Variants in KRT25 observed in about 807,000 individuals in gnomAD.
KRT25 encodes keratin, type I cytoskeletal 25.
KRT25 carries 37 observed loss-of-function variants against 47.6 expected under a neutral mutation model. The observed-to-expected ratio is 0.78, with a 90% CI of 0.60 to 1.02. KRT25 has a LOEUF of 1.02. Among genes scored for constraint, KRT25 ranks in the 50% least tolerant of loss-of-function variants. The pLI, the probability that KRT25 is intolerant of heterozygous loss-of-function variation, is 0.00. For missense variants in KRT25, 542 were observed against 550.3 expected (o/e 0.98, Z 0.15); for synonymous variants, 203 against 210.2 (o/e 0.97, Z 0.30).
At position 40,750,944 on chromosome 17, in the gene KRT25, C is replaced by A; in HGVS notation, c.957+10G>T. The A allele has an allele frequency of 6.2e-7, 1 of 1,613,168 alleles. No individual in the cohort carries two copies. Among genetic ancestry groups the A allele is most frequent in the Non-Finnish European group, 8.5e-7 (1 of 1,179,396 alleles). On this transcript the variant is annotated intron_variant, in intron 5 of 7. Coordinates refer to ENST00000312150, the MANE Select transcript of KRT25 (RefSeq NM_181534.4). ...TGGGAGATGGTGAAAAAAAATTGTT[C>A]TTTTCATACCGTGGCTAGGAGAGAC...
chr17:40,750,855 A>G, intron 5 of KRT25, 99 bp downstream of exon 5: 1 of 1,429,012 alleles, frequency 7.0e-7, no homozygotes, highest in Non-Finnish European at 9.6e-7. Flanking sequence ...ACAATTATAA[A>G]CAAATATATT....
At chr17:40,752,486 T>G (rs2038059181) in intron 3 of KRT25, among the ~76,000 whole-genome samples, 1 of 152,220 alleles carries the variant, frequency 6.6e-6, no homozygotes, top group Non-Finnish European at 1.5e-5. Context: ...CATTCCAGCC[T>G]TCTTTCCTCC....
chr17:40,755,450 G>A, upstream of KRT25: 1 of 594,740 alleles, frequency 1.7e-6, no homozygotes. Flanking sequence ...ATAATTGGGT[G>A]ATTTTTTCTA....
chr17:40,752,442 G>C (rs1254919578), intron 3 of KRT25, among the ~76,000 whole-genome samples: 1 of 152,112 alleles, frequency 6.6e-6, no homozygotes, highest in African/African-American at 2.4e-5. Context: ...TGGTAACTAA[G>C]GCTTTCATTC....
rs535525284 is a variant in KRT25, at chr17:40,748,392, C to A, written c.1244-6G>T. ...CACTATGGCTTTGGCTGGGTCTGAG[C>A]ATTAAAAATTAAAAGGAGATTTTAT... On this transcript the variant is annotated splice_polypyrimidine_tract_variant and splice_region_variant and intron_variant, in intron 7 of 7. Coordinates refer to ENST00000312150, the MANE Select transcript of KRT25 (RefSeq NM_181534.4). The A allele has an allele frequency of 6.4e-6, 10 of 1,563,090 alleles. No individual in the cohort carries two copies. The East Asian group carries it at 2.3e-4, about 36-fold the overall frequency.
At chr17:40,750,925 A>G in intron 5 of KRT25, 29 bp downstream of exon 5, 1 of 1,611,382 alleles carries the variant, frequency 6.2e-7, no homozygotes, top group Non-Finnish European at 8.5e-7. Context: ...GACCTGGGAG[A>G]TGGTGAAAAA....
At position 40,750,275 on chromosome 17, in the gene KRT25, T is replaced by C. The variant is rs1186780515; in HGVS notation, c.1175+105A>G. 4 of 1,096,464 alleles carry C rather than the reference T, an allele frequency of 3.6e-6. No homozygotes were observed. The African/African-American group carries it at 6.3e-5, about 17-fold the overall frequency. The allele number at this position is 1,096,464 out of a possible 1,614,324, so 67.9% of individuals were successfully genotyped here. A position where few individuals can be genotyped will look rare whatever the true frequency, so the allele number is the denominator to read the frequency against. ...ATTTAATATTTAGTATTCATGATAATAAATGCATGCAGCCAAATTATGTCC... is the reference window on the plus strand; with the variant it reads ...ATTTAATATTTAGTATTCATGATAACAAATGCATGCAGCCAAATTATGTCC... On this transcript the variant is annotated intron_variant, in intron 6 of 7. Transcript: ENST00000312150.
rs1332244433 is a variant in KRT25 at position 40,755,190 on chromosome 17, T to C, written c.82A>G (p.Thr28Ala). 1.1e-5 allele frequency: 17 copies of C among 1,614,080 alleles called. No individual in the cohort carries two copies. Among genetic ancestry groups the C allele is most frequent in the Non-Finnish European group, 1.4e-5 (17 of 1,180,048 alleles). Reference sequence around the variant, plus strand: ...CAAGAATTTCCAGTACCAAAGCTGGTTCCCCCACCATAGAGTCTGAGTGAT... The same window carrying C: ...CAAGAATTTCCAGTACCAAAGCTGGCTCCCCCACCATAGAGTCTGAGTGAT... ...TGSLRLYGGG[T>A]SFGTGNSCGI... The change falls in exon 1 of 8, where the codon ACC becomes GCC. Residue 28 changes from threonine to alanine, a missense_variant. By Grantham distance (58) the Thr-to-Ala change is moderately conservative (BLOSUM62 0). Coordinates refer to ENST00000312150, the MANE Select transcript of KRT25 (RefSeq NM_181534.4).
intron 3 of KRT25, 134 bp downstream of exon 3, chr17:40,753,717 AAAAAAAGAC>A: frequency 3.6e-6 from 1 of 274,902 alleles, no homozygotes; most frequent in Non-Finnish European, 6.7e-6. Flanking sequence ...AAAAAAAAAA[AAAAAAAGAC>A]AGCTCAGCCC....
chr17:40,751,169 T>C lies in KRT25; in HGVS notation c.827A>G (p.Glu276Gly). 1.9e-6 allele frequency: 3 copies of C among 1,614,150 alleles called. No homozygotes were observed. Among genetic ancestry groups the C allele is most frequent in the Non-Finnish European group, 2.5e-6 (3 of 1,180,000 alleles). ...NRRDAEAWFN[E>G]KSASLQQQIS... Reference sequence around the variant, plus strand: ...CGTTTTCTGGAGGAGAGTCACCTTCTCGTTGAACCAGGCCTCCGCGTCCCT... The same window carrying C: ...CGTTTTCTGGAGGAGAGTCACCTTCCCGTTGAACCAGGCCTCCGCGTCCCT... The change falls in exon 4 of 8, where the codon GAG becomes GGG. Residue 276 changes from glutamate (E) to glycine (G), a missense_variant. Transcript: ENST00000312150.
chr17:40,751,150 C>T lies in KRT25; in HGVS notation c.831+15G>A, dbSNP rs767403091. ...CAGTAACATGCAAAGGGACCGTTTT[C>T]TGGAGGAGAGTCACCTTCTCGTTGA... On this transcript the variant is annotated intron_variant, in intron 4 of 7. Transcript: ENST00000312150. The T allele has an allele frequency of 1.5e-5, 24 of 1,614,006 alleles. No homozygotes were observed. The Middle Eastern group carries it at 6.6e-4, about 44-fold the overall frequency.
intron 5 of KRT25, 40 bp from the exon 6 acceptor site, chr17:40,750,637 A>G: frequency 6.2e-7 from 1 of 1,607,294 alleles, no homozygotes; most frequent in Non-Finnish European, 8.5e-7. Flanking sequence ...ATGGATATGC[A>G]GATATGCAGG....
intron 3 of KRT25, among the ~76,000 whole-genome samples, chr17:40,753,185 G>C (rs565369083): frequency 2.6e-5 from 4 of 152,240 alleles, no homozygotes; most frequent in African/African-American, 9.6e-5. Flanking sequence ...TAGTTTTCTA[G>C]TTTAAGGATG....
rs759907615 is a variant in KRT25 at position 40,751,091 on chromosome 17, T to A, written c.832-12A>T. The stretch of plus-strand genomic sequence containing the variant: ...TGCAGGGAGGCGCTCTGAAATGACA[T>A]AAGTGAAGGAGCAAATCTTAGTTTT... On this transcript the variant is annotated splice_polypyrimidine_tract_variant and intron_variant, in intron 4 of 7. Transcript: ENST00000312150. The A allele has an allele frequency of 8.7e-6, 14 of 1,614,008 alleles. No individual in the cohort carries two copies. In the Admixed American group the frequency reaches 1.7e-4, roughly 19 times the overall value.
rs1417821043 is a variant in KRT25 at position 40,753,964 on chromosome 17, A to G, written c.565T>C (p.Leu189=). 2 of 1,613,992 alleles carry G rather than the reference A, an allele frequency of 1.2e-6. No individual in the cohort carries two copies. Among genetic ancestry groups the G allele is most frequent in the Middle Eastern group, 1.6e-4 (1 of 6,062 alleles). ...GTTATTTCATCCAAAACTCTTCGTAACCCATTGACATCAGCCTCTACACTC... is the reference window on the plus strand; with the variant it reads ...GTTATTTCATCCAAAACTCTTCGTAGCCCATTGACATCAGCCTCTACACTC... ...HQSVEADVNG[L]RRVLDEITLC... The change falls in exon 3 of 8, where the codon TTA becomes CTA. Residue 189 remains leucine, a synonymous_variant. Coordinates refer to ENST00000312150, the MANE Select transcript of KRT25 (RefSeq NM_181534.4).
chr17:40,755,438 G>A (rs2038098500), upstream of KRT25: 4 of 617,808 alleles, frequency 6.5e-6, no homozygotes, highest in Non-Finnish European at 1.1e-5. Context: ...CAGCAAGTTG[G>A]CATAATTGGG....
rs758921574 is a variant in KRT25 at position 40,753,961 on chromosome 17, G to A, written c.568C>T (p.Arg190Ter). The change falls in exon 3 of 8, where the codon CGA (arginine) becomes TGA (stop). Residue 190 changes from arginine to a stop codon, truncating the protein, a stop_gained. Transcript: ENST00000312150. LOFTEE classifies it high-confidence loss of function. Reference protein sequence around the residue: ...QSVEADVNGLRRVLDEITLCR... With the variant: ...QSVEADVNGL ...AGGGTTATTTCATCCAAAACTCTTC[G>A]TAACCCATTGACATCAGCCTCTACA... The A allele has an allele frequency of 6.2e-6, 10 of 1,613,694 alleles. No homozygotes were observed. The highest frequency in any genetic ancestry group is 3.3e-5 in the Admixed American group (2 of 59,992).
In KRT25 at chr17:40,749,284, G is replaced by T; in HGVS notation, c.1217C>A (p.Ser406Tyr). ...SGGYKSKDYG[S>Y]GNVGSQVKDP... ...TTTGACTTGACTTCCCACATTTCCA[G>T]ATCCATAATCTTTAGACTTGTAACC... is the stretch of plus-strand genomic sequence containing the variant. Residue 406 changes from serine to tyrosine, a missense_variant, in exon 7 of 8, where the codon TCT (serine) becomes TAT (tyrosine). Physicochemically the swap from Ser to Tyr is moderately radical, Grantham distance 144. Coordinates refer to ENST00000312150, the MANE Select transcript of KRT25 (RefSeq NM_181534.4). 6.2e-7 allele frequency: 1 copy of T among 1,613,506 alleles called. No individual in the cohort carries two copies. The highest frequency in any genetic ancestry group is 8.5e-7 in the Non-Finnish European group (1 of 1,179,490).
In KRT25 at chr17:40,750,089, A is replaced by G. The variant is rs1396675624; in HGVS notation, c.1175+291T>C. Reference sequence around the variant, plus strand: ...GTGCTGAGCTCCAGAAACCATTTCCAGAGTCAGAATCCTGGTCCACATATT... The same window carrying G: ...GTGCTGAGCTCCAGAAACCATTTCCGGAGTCAGAATCCTGGTCCACATATT... On this transcript the variant is annotated intron_variant, in intron 6 of 7. Transcript: ENST00000312150. Among the ~76,000 whole-genome samples the G allele has an allele frequency of 2.0e-5, 3 of 152,178 alleles. No individual in the cohort carries two copies. The East Asian group carries it at 5.8e-4, about 29-fold the overall frequency.
Sources: allele counts gnomAD v4.1 joint callset (sites outside exome capture counted in the v4.1 genomes callset), GRCh38; gene constraint gnomAD v4.1.1; transcripts MANE v1.5; gene names NCBI Gene and HGNC (gene_info 2026-07-23, HGNC 2026-07-21).